ROR1: variants seen among roughly 807,000 people sequenced by gnomAD.
ROR1 encodes ROR family WNT receptor 1, also known as inactive tyrosine-protein kinase transmembrane receptor ROR1.
Under a neutral mutation model 78.8 loss-of-function variants are expected in ROR1, and 19 were observed. The observed-to-expected ratio is 0.24, with a 90% CI of 0.17 to 0.35. The LOEUF (loss-of-function observed/expected upper bound fraction) is 0.35. ROR1 is among the 10% of genes least tolerant of loss of function. The pLI is 1.00. For missense variants in ROR1, 917 were observed against 1,177.8 expected, an observed-to-expected ratio of 0.78 and a Z score of 3.24; for synonymous variants, 386 against 433.6, an observed-to-expected ratio of 0.89 and a Z score of 1.36.
chr1:64,122,493 T>C (rs918604285), intron 4 of ROR1, among the ~76,000 whole-genome samples: 35 of 152,208 alleles, frequency 2.3e-4, no homozygotes, highest in Non-Finnish European at 5.9e-5. Context: ...TCAGCAGTCA[T>C]GTACTGGAAA....
At chr1:63,825,765 G>T (rs1033512808) in intron 1 of ROR1, among the ~76,000 whole-genome samples, 1 of 152,056 alleles carries the variant, frequency 6.6e-6, no homozygotes, top group Admixed American at 6.6e-5. Flanking sequence ...CTTTATCCTG[G>T]ATGACTTGGG....
intron 4 of ROR1, among the ~76,000 whole-genome samples, chr1:64,096,342 T>G (rs1227216057): frequency 6.6e-6 from 1 of 152,148 alleles, no homozygotes; most frequent in Non-Finnish European, 1.5e-5. Flanking sequence ...AGCCAGATAT[T>G]AAGCCTAGTA....
intron 1 of ROR1, among the ~76,000 whole-genome samples, chr1:63,813,683 G>A (rs1477601906): frequency 6.6e-6 from 1 of 152,182 alleles, no homozygotes; most frequent in Non-Finnish European, 1.5e-5. Context: ...AAACTAGCAC[G>A]ATGATCAGAT....
chr1:64,076,311 G>C (rs1647050033), intron 4 of ROR1, among the ~76,000 whole-genome samples: 1 of 152,118 alleles, frequency 6.6e-6, no homozygotes, highest in African/African-American at 2.4e-5. Flanking sequence ...CTGGTGGATG[G>C]ACACACAAAG....
chr1:63,934,078 G>C (rs1030190471), intron 1 of ROR1, among the ~76,000 whole-genome samples: 7 of 152,124 alleles, frequency 4.6e-5, no homozygotes, highest in Non-Finnish European at 1.0e-4. Context: ...GTGGTGAGGA[G>C]GTATGTCAGG....
intron 4 of ROR1, among the ~76,000 whole-genome samples, chr1:64,073,777 G>A (rs948029640): frequency 5.3e-5 from 8 of 152,170 alleles, no homozygotes; most frequent in Admixed American, 2.0e-4. Flanking sequence ...AGCCACTAAT[G>A]GGCTCTACAC....
At chr1:64,127,407 C>CTCTCTT (rs1375940024) in intron 4 of ROR1, among the ~76,000 whole-genome samples, 5 of 152,034 alleles carry the variant, frequency 3.3e-5, no homozygotes, top group Non-Finnish European at 7.4e-5. Flanking sequence ...TTTCATCTCT[C>CTCTCTT]TCTCTTTCTC....
At chr1:64,149,311 A>G (rs1649558467) in intron 7 of ROR1, among the ~76,000 whole-genome samples, 1 of 152,162 alleles carries the variant, frequency 6.6e-6, no homozygotes, top group Non-Finnish European at 1.5e-5. Flanking sequence ...TTTCATATCC[A>G]TTCCTCCATC....
In ROR1 at chr1:63,998,112, A is replaced by C. The variant is rs1646353413; in HGVS notation, c.92-11193A>C. On this transcript the variant is annotated intron_variant, in intron 1 of 8. Coordinates refer to ENST00000371079, the MANE Select transcript of ROR1 (RefSeq NM_005012.4). ...TGCTGAACTGCCTCCCATCTAACCT[A>C]TTCCAGGATCATTTAGTAGTCAGGC... 2.0e-5 allele frequency among the ~76,000 whole-genome samples: 3 copies of C among 152,246 alleles called. No individual in the cohort carries two copies. In the South Asian group the frequency reaches 6.2e-4, roughly 32 times the overall value.
chr1:64,050,646 T>A (rs1646821194), intron 3 of ROR1, 40 bp from the exon 4 acceptor site: 1 of 1,603,964 alleles, frequency 6.2e-7, no homozygotes, highest in Admixed American at 1.7e-5. Flanking sequence ...TCCAATAACC[T>A]AGACTGACTG....
At chr1:64,055,579 G>A (rs968076907) in intron 4 of ROR1, among the ~76,000 whole-genome samples, 49 of 152,208 alleles carry the variant, frequency 3.2e-4, no homozygotes, top group African/African-American at 1.1e-3. Flanking sequence ...TACATTGTGC[G>A]AGCACTCATT....
chr1:64,126,811 G>A (rs976349445), intron 4 of ROR1, among the ~76,000 whole-genome samples: 2 of 152,140 alleles, frequency 1.3e-5, no homozygotes, highest in Non-Finnish European at 2.9e-5. Context: ...GCCATATCTA[G>A]GAAGTGAGAA....
intron 1 of ROR1, among the ~76,000 whole-genome samples, chr1:63,836,155 G>C (rs1212407732): frequency 6.6e-6 from 1 of 152,144 alleles, no homozygotes. Flanking sequence ...TAAAGAACTT[G>C]CTCAAAGTTA....
At chr1:63,926,449 T>C (rs537866410) in intron 1 of ROR1, among the ~76,000 whole-genome samples, 1 of 152,314 alleles carries the variant, frequency 6.6e-6, no homozygotes, top group South Asian at 2.1e-4. Flanking sequence ...GTGTGATGCC[T>C]CCAGCTTTGT....
chr1:63,797,395 G>T (rs1030913708), intron 1 of ROR1, among the ~76,000 whole-genome samples: 2 of 152,170 alleles, frequency 1.3e-5, no homozygotes, highest in African/African-American at 4.8e-5. Context: ...GTGCTCTGGA[G>T]TAGCATGTGT....
intron 4 of ROR1, among the ~76,000 whole-genome samples, chr1:64,097,523 A>G (rs539251032): frequency 1.3e-5 from 2 of 151,978 alleles, no homozygotes; most frequent in South Asian, 4.2e-4. Flanking sequence ...ATCACAGACA[A>G]GATTGTATTT....
At chr1:63,854,964 T>C (rs1243153789) in intron 1 of ROR1, among the ~76,000 whole-genome samples, 2 of 152,128 alleles carry the variant, frequency 1.3e-5, no homozygotes, top group Admixed American at 6.5e-5. Context: ...GTTGTTACAC[T>C]GTATTTTAAA....
At chr1:63,835,584 A>G (rs1465992991) in intron 1 of ROR1, among the ~76,000 whole-genome samples, 1 of 152,184 alleles carries the variant, frequency 6.6e-6, no homozygotes, top group Non-Finnish European at 1.5e-5. Flanking sequence ...TACTGAGATG[A>G]TTCAGTCACT....
intron 4 of ROR1, among the ~76,000 whole-genome samples, chr1:64,114,426 C>A (rs898960627): frequency 2.6e-5 from 4 of 152,144 alleles, no homozygotes; most frequent in African/African-American, 4.8e-5. Flanking sequence ...GAGAGAGACT[C>A]AGTAGTTGAC....
Sources: gnomAD v4.1 joint callset for allele counts (sites outside exome capture counted in the v4.1 genomes callset) on GRCh38, gnomAD v4.1.1 for gene constraint, MANE v1.5 for transcripts, NCBI Gene and HGNC (gene_info 2026-07-23, HGNC 2026-07-21) for gene names.